The following NCR3LG1 variants were observed in gnomAD, a reference collection of about 807,000 sequenced individuals.
The protein encoded by NCR3LG1 is natural cytotoxicity triggering receptor 3 ligand 1.
A neutral mutation model predicts 34.8 loss-of-function variants in NCR3LG1; 35 were observed. The observed-to-expected ratio is 1.01, with a 90% confidence interval of 0.77 to 1.33. NCR3LG1 has a LOEUF of 1.33. Ranked by LOEUF, NCR3LG1 falls within the 40% of genes most tolerant of loss-of-function variation. The pLI is 0.00. For synonymous variants in NCR3LG1, 173 were observed against 163.6 expected (o/e 1.06, Z -0.44); for missense variants, 452 against 423.3 (o/e 1.07, Z -0.60).
At position 17,356,842 on chromosome 11, in the gene NCR3LG1, G is replaced by GC; in HGVS notation, c.263dup (p.Phe89IlefsTer35). ...TGAATTTTTTGGAGATCACCAAGAG[G>GC]CATTCCGACCTGGAGCCATTGTGTC... is the stretch of plus-strand genomic sequence containing the variant. On this transcript the variant is annotated frameshift_variant, in exon 2 of 5. Transcript: ENST00000338965. LOFTEE classifies it high-confidence loss of function. 1 of 1,536,146 alleles carries GC rather than the reference G, an allele frequency of 6.5e-7. No homozygotes were observed. Among genetic ancestry groups the GC allele is most frequent in the South Asian group, 1.2e-5 (1 of 84,060 alleles).
At chr11:17,362,229 A>T (rs917846668) in intron 2 of NCR3LG1, among the ~76,000 whole-genome samples, 1 of 152,188 alleles carries the variant, frequency 6.6e-6, no homozygotes, top group Non-Finnish European at 1.5e-5. Context: ...TGGTATGATC[A>T]TATAATTTTT....
intron 3 of NCR3LG1, among the ~76,000 whole-genome samples, chr11:17,367,617 C>A (rs977793188): frequency 2.6e-5 from 4 of 152,142 alleles, no homozygotes; most frequent in South Asian, 2.1e-4. Context: ...CAGCTCATGG[C>A]AGCTTCAGGG....
At chr11:17,361,211 T>C (rs1345343913) in intron 2 of NCR3LG1, among the ~76,000 whole-genome samples, 2 of 152,176 alleles carry the variant, frequency 1.3e-5, no homozygotes, top group Admixed American at 6.5e-5. Context: ...TGAGAATCTG[T>C]TGATATCTGC....
In NCR3LG1 at chr11:17,372,512, A is replaced by G; in HGVS notation, c.1365A>G (p.Ter455=). 1.4e-6 allele frequency: 1 copy of G among 692,352 alleles called. No homozygotes were observed. Among genetic ancestry groups the G allele is most frequent in the South Asian group, 1.5e-5 (1 of 66,334 alleles). 42.9% of individuals were successfully genotyped at this position (692,352 alleles called of 1,614,324 possible). A position where few individuals can be genotyped will look rare whatever the true frequency, so the allele number is the denominator to read the frequency against. Residue 455 remains the stop codon, a stop_retained_variant, in exon 5 of 5, where the codon TAA becomes TAG. Transcript: ENST00000338965. ...CAACTTTACTGTTACCCCTACAGTA[A>G]ATGCCTGATGGACCTGGTGCCACTA... The part of the protein sequence containing the change: ...QPPTLLLPLQ[*]
At chr11:17,357,131 T>A in intron 2 of NCR3LG1, 130 bp downstream of exon 2, 3 of 659,654 alleles carry the variant, frequency 4.5e-6, no homozygotes, top group Non-Finnish European at 5.0e-6. Flanking sequence ...ATGAGCTTGG[T>A]GGCTGTATTA....
rs1299352875 is a variant in NCR3LG1 at position 17,367,043 on chromosome 11, G to A, written c.456G>A (p.Val152=). ...CCAGCAGATTGTTGCTGGATCAAGTGGGCATGAAAGAGAATGAAGACAAAT... is the reference window on the plus strand; with the variant it reads ...CCAGCAGATTGTTGCTGGATCAAGTAGGCATGAAAGAGAATGAAGACAAAT... ...SPASRLLLDQ[V]GMKENEDKYM... Residue 152 remains valine (V), a synonymous_variant, in exon 3 of 5, where the codon GTG becomes GTA. Transcript: ENST00000338965. 6 of 1,534,492 alleles carry A rather than the reference G, an allele frequency of 3.9e-6. No homozygotes were observed. The highest frequency in any genetic ancestry group is 5.2e-6 in the Non-Finnish European group (6 of 1,145,706).
intron 2 of NCR3LG1, among the ~76,000 whole-genome samples, chr11:17,358,499 C>T (rs1382128839): frequency 6.6e-6 from 1 of 152,086 alleles, no homozygotes; most frequent in Non-Finnish European, 1.5e-5. Context: ...CATCAAATCA[C>T]ATGACTTATG....
chr11:17,362,266 A>G (rs1484301938), intron 2 of NCR3LG1, among the ~76,000 whole-genome samples: 1 of 151,590 alleles, frequency 6.6e-6, no homozygotes, highest in African/African-American at 2.4e-5. Flanking sequence ...ATGATGACTT[A>G]CATTAACCAA....
intron 1 of NCR3LG1, among the ~76,000 whole-genome samples, chr11:17,352,894 C>A (rs997404170): frequency 2.0e-5 from 3 of 152,132 alleles, no homozygotes; most frequent in Non-Finnish European, 4.4e-5. Context: ...TATTTAAACT[C>A]ATTTCTAACT....
rs1264952369 is a variant in NCR3LG1 at position 17,354,550 on chromosome 11, T to C, written c.71-2101T>C. ...CCGACCCCCCAATTCTTCTTCTTTT[T>C]TTTTTTTTTTTTTTTTTTTTTTTGG... is the stretch of plus-strand genomic sequence containing the variant. On this transcript the variant is annotated intron_variant, in intron 1 of 4. Transcript: ENST00000338965. 1.2e-4 allele frequency among the ~76,000 whole-genome samples: 8 copies of C among 66,630 alleles called. No homozygotes were observed. The African/African-American group carries it at 1.6e-3, about 13-fold the overall frequency. 43.7% of individuals were successfully genotyped at this position (66,630 alleles called of 152,430 possible). A position where few individuals can be genotyped will look rare whatever the true frequency, so the allele number is the denominator to read the frequency against.
In NCR3LG1 at chr11:17,372,174, GTTAATA is replaced by G. The variant is rs1386951545; in HGVS notation, c.1034_1039del (p.Ile345_Asn346del). 18 of 702,864 alleles carry G rather than the reference GTTAATA, an allele frequency of 2.6e-5. No individual in the cohort carries two copies. The highest frequency in any genetic ancestry group is 4.6e-4 in the Middle Eastern group (2 of 4,390). The allele number at this position is 702,864 out of a possible 1,614,324, so 43.5% of individuals were successfully genotyped here. On this transcript the variant is annotated inframe_deletion, in exon 5 of 5. Transcript: ENST00000338965. ...GGAGGCTTGGCCTCCTGAGGGAAGT[GTTAATA>G]TTAATACTATTCAACAACTAGATGT...
intron 1 of NCR3LG1, among the ~76,000 whole-genome samples, chr11:17,353,253 G>A (rs1286009111): frequency 6.6e-6 from 1 of 152,262 alleles, no homozygotes; most frequent in Non-Finnish European, 1.5e-5. Flanking sequence ...CCTTAGAATG[G>A]CTGCCCGATG....
rs1186475596 is a variant in NCR3LG1 at position 17,372,465 on chromosome 11, C to A, written c.1318C>A (p.Pro440Thr). 4.3e-6 allele frequency: 3 copies of A among 703,108 alleles called. No homozygotes were observed. In the South Asian group the frequency reaches 4.4e-5, roughly 10 times the overall value. The allele number at this position is 703,108 out of a possible 1,614,324, so 43.6% of individuals were successfully genotyped here. A position where few individuals can be genotyped will look rare whatever the true frequency, so the allele number is the denominator to read the frequency against. ...TCCTCCAGCCACAACATCAACAACT[C>A]CAGTTCTATCCTCCCAACCCCCAAC... ...EPPPATTSTT[P>T]VLSSQPPTLL... Residue 440 changes from proline (P) to threonine (T), a missense_variant, in exon 5 of 5, where the codon CCA becomes ACA. Coordinates refer to ENST00000338965, the MANE Select transcript of NCR3LG1 (RefSeq NM_001202439.3).
At chr11:17,358,360 T>C (rs1055841288) in intron 2 of NCR3LG1, among the ~76,000 whole-genome samples, 2 of 152,220 alleles carry the variant, frequency 1.3e-5, no homozygotes, top group Non-Finnish European at 2.9e-5. Context: ...GACAGTTTGG[T>C]GAGGGTATTG....
At chr11:17,364,148 T>G (rs1365714461) in intron 2 of NCR3LG1, among the ~76,000 whole-genome samples, 2 of 151,972 alleles carry the variant, frequency 1.3e-5, no homozygotes, top group East Asian at 3.9e-4. Flanking sequence ...TATTCTGGGG[T>G]TTTTTTTAAA....
chr11:17,351,915 A>T lies in NCR3LG1; in HGVS notation c.-55A>T. The stretch of plus-strand genomic sequence containing the variant: ...AGGTCTCCCCCTGCCCTTGGTTTCT[A>T]CCGGGCCGCCTGCTCCCACTCGGCG... On this transcript the variant is annotated 5_prime_UTR_variant, in exon 1 of 5. Coordinates refer to ENST00000338965, the MANE Select transcript of NCR3LG1 (RefSeq NM_001202439.3). 1 of 1,394,904 alleles carries T rather than the reference A, an allele frequency of 7.2e-7. No homozygotes were observed. Among genetic ancestry groups the T allele is most frequent in the Non-Finnish European group, 9.8e-7 (1 of 1,020,166 alleles). 86.4% of individuals were successfully genotyped at this position (1,394,904 alleles called of 1,614,324 possible). A position where few individuals can be genotyped will look rare whatever the true frequency, so the allele number is the denominator to read the frequency against.
intron 2 of NCR3LG1, among the ~76,000 whole-genome samples, chr11:17,365,037 T>A (rs994844552): frequency 2.6e-5 from 4 of 152,226 alleles, no homozygotes; most frequent in African/African-American, 4.8e-5. Context: ...TATAGTTTTT[T>A]AAAATTCCCT....
chr11:17,361,747 T>A (rs1323115828), intron 2 of NCR3LG1, among the ~76,000 whole-genome samples: 3 of 152,210 alleles, frequency 2.0e-5, no homozygotes, highest in Admixed American at 2.0e-4. Flanking sequence ...TTTGGCCAAG[T>A]CTTGAGATTT....
At chr11:17,361,708 A>AT (rs1454553731) in intron 2 of NCR3LG1, among the ~76,000 whole-genome samples, 1 of 151,876 alleles carries the variant, frequency 6.6e-6, no homozygotes, top group African/African-American at 2.4e-5. Flanking sequence ...CATTCTAGGG[A>AT]TTTTTTTGTT....
Sources: allele counts gnomAD v4.1 joint callset (sites outside exome capture counted in the v4.1 genomes callset), GRCh38; gene constraint gnomAD v4.1.1; transcripts MANE v1.5; gene names NCBI Gene and HGNC (gene_info 2026-07-23, HGNC 2026-07-21).